Variants in LDAH observed in about 807,000 individuals in gnomAD.
LDAH encodes lipid droplet-associated hydrolase.
A neutral mutation model predicts 29.6 loss-of-function variants in LDAH; 26 were observed. That is an observed-to-expected ratio of 0.88 (90% CI 0.64 to 1.22). LDAH has a LOEUF of 1.22. Ranked by LOEUF, LDAH falls within the 50% of genes most tolerant of loss-of-function variation. The pLI, the probability that LDAH is intolerant of heterozygous loss-of-function variation, is 0.00. For synonymous variants in LDAH, 117 were observed against 133.0 expected (o/e 0.88, Z 0.83); for missense variants, 344 against 387.3 (o/e 0.89, Z 0.94).
chr2:20,771,134 C>T (rs942671553), intron 4 of LDAH, among the ~76,000 whole-genome samples: 1 of 151,984 alleles, frequency 6.6e-6, no homozygotes, highest in Non-Finnish European at 1.5e-5. Context: ...CTTTAAATGC[C>T]AGATTTTTTT....
At chr2:20,785,742 A>T (rs1174549581) in intron 3 of LDAH, among the ~76,000 whole-genome samples, 2 of 152,162 alleles carry the variant, frequency 1.3e-5, no homozygotes, top group Admixed American at 1.3e-4. Context: ...AGTTAGGAAA[A>T]TTTCTATTAA....
chr2:20,787,008 T>C (rs1670601840), intron 3 of LDAH, among the ~76,000 whole-genome samples: 1 of 152,244 alleles, frequency 6.6e-6, no homozygotes, highest in South Asian at 2.1e-4. Flanking sequence ...ATAAGGTTCC[T>C]AGAAGTAATA....
At chr2:20,765,654 G>A (rs759864659) in intron 4 of LDAH, among the ~76,000 whole-genome samples, 25 of 152,232 alleles carry the variant, frequency 1.6e-4, no homozygotes, top group African/African-American at 5.3e-4. Flanking sequence ...ATTCAGTGGC[G>A]GATGGGCTGG....
At chr2:20,761,349 G>A (rs1668674688) in intron 4 of LDAH, among the ~76,000 whole-genome samples, 2 of 151,262 alleles carry the variant, frequency 1.3e-5, no homozygotes, top group South Asian at 4.2e-4. Flanking sequence ...ACTTGCAAGG[G>A]TACAAAGAAA....
intron 1 of LDAH, among the ~76,000 whole-genome samples, chr2:20,810,834 G>T (rs773029115): frequency 6.6e-6 from 1 of 152,102 alleles, no homozygotes; most frequent in Non-Finnish European, 1.5e-5. Context: ...TCACAGGAAC[G>T]CAAACCCTAT....
intron 1 of LDAH, among the ~76,000 whole-genome samples, chr2:20,816,411 T>C (rs769440295): frequency 2.0e-5 from 3 of 151,984 alleles, no homozygotes; most frequent in Non-Finnish European, 4.4e-5. Context: ...CATTGGTAGG[T>C]TGAAAACAGA....
chr2:20,803,545 TCTA>T (rs1322968674), intron 1 of LDAH, among the ~76,000 whole-genome samples: 2 of 152,192 alleles, frequency 1.3e-5, no homozygotes, highest in East Asian at 3.9e-4. Flanking sequence ...TCCAACTCCT[TCTA>T]CTAACTAGCC....
chr2:20,695,244 T>C (rs1482783237), intron 6 of LDAH, among the ~76,000 whole-genome samples: 2 of 152,228 alleles, frequency 1.3e-5, no homozygotes, highest in Non-Finnish European at 2.9e-5. Flanking sequence ...TAGAATGGCA[T>C]TGGGCATTCC....
At chr2:20,702,863 C>T (rs1664043582) in intron 5 of LDAH, among the ~76,000 whole-genome samples, 1 of 152,192 alleles carries the variant, frequency 6.6e-6, no homozygotes, top group Non-Finnish European at 1.5e-5. Context: ...TGGAGTTTCG[C>T]TCTTTGTTGC....
chr2:20,735,602 G>T (rs112482529), intron 5 of LDAH, among the ~76,000 whole-genome samples: 4,285 of 151,658 alleles, frequency 0.028, 202 homozygotes, highest in African/African-American at 0.099. Context: ...TGTTGGCATT[G>T]ATTTTTTTTT....
At chr2:20,812,439 T>C (rs662193) in intron 1 of LDAH, among the ~76,000 whole-genome samples, 8,844 of 152,218 alleles carry the variant, frequency 0.058, 845 homozygotes, top group African/African-American at 0.2. Context: ...TTTCCAGCTA[T>C]TGAGCATTTT....
At chr2:20,730,104 C>G (rs373533244) in intron 5 of LDAH, among the ~76,000 whole-genome samples, 1 of 152,172 alleles carries the variant, frequency 6.6e-6, no homozygotes, top group Admixed American at 6.5e-5. Context: ...GAGCATAATT[C>G]TCTGGAGATG....
intron 1 of LDAH, among the ~76,000 whole-genome samples, chr2:20,814,286 T>C (rs993177993): frequency 2.0e-5 from 3 of 151,682 alleles, no homozygotes; most frequent in African/African-American, 7.3e-5. Flanking sequence ...GGAATCAAAC[T>C]GATAAACCTC....
chr2:20,782,040 A>G (rs1186175941), intron 3 of LDAH, among the ~76,000 whole-genome samples: 2 of 152,202 alleles, frequency 1.3e-5, no homozygotes, highest in Non-Finnish European at 2.9e-5. Flanking sequence ...CACATGACAG[A>G]TATTTTCTAC....
At chr2:20,706,356 G>A (rs1664302078) in intron 5 of LDAH, among the ~76,000 whole-genome samples, 1 of 152,160 alleles carries the variant, frequency 6.6e-6, no homozygotes, top group Non-Finnish European at 1.5e-5. Flanking sequence ...TTCATTTAAA[G>A]ACTCATGCTT....
At chr2:20,706,076 C>G (rs1398367909) in intron 5 of LDAH, among the ~76,000 whole-genome samples, 3 of 152,084 alleles carry the variant, frequency 2.0e-5, no homozygotes, top group African/African-American at 7.2e-5. Flanking sequence ...TTTAAATAGC[C>G]ACATATGGCT....
At chr2:20,772,481 A>G (rs1357488999) in intron 4 of LDAH, among the ~76,000 whole-genome samples, 1 of 152,218 alleles carries the variant, frequency 6.6e-6, no homozygotes, top group Non-Finnish European at 1.5e-5. Flanking sequence ...CATGTTCTTG[A>G]CTGCACAACA....
At chr2:20,722,284 A>G (rs1665703181) in intron 5 of LDAH, among the ~76,000 whole-genome samples, 1 of 148,506 alleles carries the variant, frequency 6.7e-6, no homozygotes, top group Non-Finnish European at 1.5e-5. Flanking sequence ...AAGGTGGGAG[A>G]GAGGAGAATT....
At chr2:20,800,676 C>G (rs1057403702) in intron 2 of LDAH, among the ~76,000 whole-genome samples, 3 of 152,068 alleles carry the variant, frequency 2.0e-5, no homozygotes, top group Non-Finnish European at 4.4e-5. Flanking sequence ...CTCTGCCCCC[C>G]AGGCTGGAGT....
Sources: allele counts gnomAD v4.1 joint callset (sites outside exome capture counted in the v4.1 genomes callset), GRCh38; gene constraint gnomAD v4.1.1; transcripts MANE v1.5; gene names NCBI Gene and HGNC (gene_info 2026-07-23, HGNC 2026-07-21).